C17orf75: variants seen among roughly 807,000 people sequenced by gnomAD.
C17orf75 encodes protein Njmu-R1.
C17orf75 carries 32 observed loss-of-function variants against 49.6 expected under a neutral mutation model. The ratio of observed to expected loss-of-function variants is 0.65; its 90% CI spans 0.49 to 0.87. The LOEUF (loss-of-function observed/expected upper bound fraction) is 0.87. Among genes scored for constraint, C17orf75 ranks in the 40% least tolerant of loss-of-function variants. C17orf75 has a pLI of 0.00. For synonymous variants in C17orf75, 158 were observed against 159.5 expected (o/e 0.99, Z 0.07); for missense variants, 428 against 473.9 (o/e 0.90, Z 0.90).
At chr17:32,344,812 C>A (rs2041412505), upstream of C17orf75, among the ~76,000 whole-genome samples, 1 of 151,074 alleles carries the variant, frequency 6.6e-6, no homozygotes, top group Non-Finnish European at 1.5e-5. Flanking sequence ...GAGGCTGAGG[C>A]AGAAGACTCA....
At chr17:32,347,145 G>C (rs2041431093), upstream of C17orf75, among the ~76,000 whole-genome samples, 1 of 152,152 alleles carries the variant, frequency 6.6e-6, no homozygotes, top group Admixed American at 6.5e-5. Context: ...ATTTTCAGTA[G>C]AGACAGGATT....
chr17:32,349,530 G>A (rs2041463138), intron 1 of C17orf75, among the ~76,000 whole-genome samples: 1 of 152,140 alleles, frequency 6.6e-6, no homozygotes, highest in African/African-American at 2.4e-5. Flanking sequence ...GCAGTGAGCA[G>A]AGATCGCGCC....
At position 32,330,041 on chromosome 17, in the gene C17orf75, C is replaced by G. The variant is rs2041261851; in HGVS notation, c.*1722G>C. 1 of 152,194 alleles carries G rather than the reference C, an allele frequency of 6.6e-6. No individual in the cohort carries two copies. Among genetic ancestry groups the G allele is most frequent in the Non-Finnish European group, 1.5e-5 (1 of 68,048 alleles). 9.4% of individuals were successfully genotyped at this position (152,194 alleles called of 1,614,324 possible). ...TAATTTTAGTAGAGACAGGGTTTCA[C>G]CATATTGGTCAGGCTGGTCTGGAAC... is the stretch of plus-strand genomic sequence containing the variant. On this transcript the variant is annotated 3_prime_UTR_variant, in exon 10 of 10. Transcript: ENST00000577809.
chr17:32,349,982 C>T, exon 1 of C17orf75: 2 of 1,254,340 alleles, frequency 1.6e-6, no homozygotes, highest in East Asian at 3.7e-5. Context: ...CCAAAGTGCT[C>T]CGCAAGCACA....
At chr17:32,336,959 G>A (rs1373174087) in intron 5 of C17orf75, among the ~76,000 whole-genome samples, 2 of 152,044 alleles carry the variant, frequency 1.3e-5, no homozygotes, top group South Asian at 4.1e-4. Context: ...TTCAAGACAA[G>A]CCTGGGCAAT....
Position 32,330,883 on chromosome 17 carries a change from T to G in C17orf75, c.*880A>C, listed in dbSNP as rs1248857442. ...TTTTTTTTTTGAGACAGAGTCTCGC[T>G]CTGTCGCCCAGGCTGGAGTGCAGTG... On this transcript the variant is annotated 3_prime_UTR_variant, in exon 10 of 10. Coordinates refer to ENST00000577809, the MANE Select transcript of C17orf75 (RefSeq NM_022344.4). 1 of 152,094 alleles carries G rather than the reference T, an allele frequency of 6.6e-6. No individual in the cohort carries two copies. Among genetic ancestry groups the G allele is most frequent in the Non-Finnish European group, 1.5e-5 (1 of 68,018 alleles). The allele number at this position is 152,094 out of a possible 1,614,324, so 9.4% of individuals were successfully genotyped here. A position where few individuals can be genotyped will look rare whatever the true frequency, so the allele number is the denominator to read the frequency against.
intron 3 of C17orf75, among the ~76,000 whole-genome samples, chr17:32,339,579 C>G (rs534281515): frequency 4.2e-4 from 64 of 152,026 alleles, no homozygotes; most frequent in Non-Finnish European, 7.2e-4. Flanking sequence ...AAAGCAAGAC[C>G]CTGTCTCAAA....
At chr17:32,344,540 C>T (rs2041409786), upstream of C17orf75, among the ~76,000 whole-genome samples, 1 of 150,360 alleles carries the variant, frequency 6.7e-6, no homozygotes, top group African/African-American at 2.5e-5. Flanking sequence ...TGGCATGAAC[C>T]TGGGAGGCAG....
upstream of C17orf75, among the ~76,000 whole-genome samples, chr17:32,346,022 A>G (rs1332762463): frequency 6.6e-6 from 1 of 152,044 alleles, no homozygotes; most frequent in Non-Finnish European, 1.5e-5. Flanking sequence ...ATATTTCTCT[A>G]TGTATCTATT....
chr17:32,348,868 T>TTTTTTATTTA (rs1491091550), intron 1 of C17orf75, among the ~76,000 whole-genome samples: 4 of 26,490 alleles, frequency 1.5e-4, no homozygotes, highest in African/African-American at 6.5e-4. Flanking sequence ...AGCTCCAGTC[T>TTTTTTATTTA]TTTTTTTTTT....
At chr17:32,334,198 T>A (rs1323087701) in intron 8 of C17orf75, among the ~76,000 whole-genome samples, 3 of 152,220 alleles carry the variant, frequency 2.0e-5, no homozygotes, top group African/African-American at 7.2e-5. Context: ...CCTTGCTTTT[T>A]CAAGTAATGC....
intron 2 of C17orf75, 93 bp downstream of exon 2, chr17:32,341,111 C>A: frequency 7.6e-7 from 1 of 1,317,596 alleles, no homozygotes. Context: ...TCAGGGAAAG[C>A]TCAGTGGAAA....
chr17:32,331,799 T>C lies in C17orf75; in HGVS notation c.1155A>G (p.Glu385=), dbSNP rs776070447. Residue 385 remains glutamate, a synonymous_variant, in exon 10 of 10, where the codon GAA becomes GAG. Transcript: ENST00000577809. ...GGTCAAGAGCTTCTTTCATGAATTC[T>C]TCAAGGACAGCTATCACATTTTTGG... ...PEAKNVIAVL[E]EFMKEALDQS... The C allele has an allele frequency of 1.9e-6, 3 of 1,613,818 alleles. No homozygotes were observed. In the Admixed American group the frequency reaches 5.0e-5, roughly 27 times the overall value.
In C17orf75 at chr17:32,329,417, A is replaced by C. The variant is rs1341997851; in HGVS notation, c.*2346T>G. On this transcript the variant is annotated 3_prime_UTR_variant, in exon 10 of 10. Transcript: ENST00000577809. ...TACCAGAGGCCGGGTGCAGTGGCTC[A>C]GTTTGGGAGGCCAAGGTGGGAGGAT... 3 of 151,960 alleles carry C rather than the reference A, an allele frequency of 2.0e-5. No homozygotes were observed. The highest frequency in any genetic ancestry group is 2.0e-4 in the Admixed American group (3 of 15,236). The allele number at this position is 151,960 out of a possible 1,614,324, so 9.4% of individuals were successfully genotyped here.
intron 4 of C17orf75, 42 bp from the exon 5 acceptor site, chr17:32,337,996 A>C (rs1478683551): frequency 6.4e-7 from 1 of 1,551,060 alleles, no homozygotes; most frequent in Admixed American, 1.9e-5. Context: ...TAATGAAGAC[A>C]GTATTTCATC....
Position 32,335,339 on chromosome 17 carries a change from G to C in C17orf75, c.653C>G (p.Thr218Ser). The change falls in exon 6 of 10, where the codon ACC becomes AGC. Residue 218 changes from threonine to serine, a missense_variant. Thr to Ser is a moderately conservative substitution (Grantham distance 58). Coordinates refer to ENST00000577809, the MANE Select transcript of C17orf75 (RefSeq NM_022344.4). ...RVVLLFQEKL[T>S]FLLHAALSYT... is the part of the protein sequence containing the mutation. The stretch of plus-strand genomic sequence containing the variant: ...AGTACTTACAGCATGTAGCAGAAAG[G>C]TAAGCTTTTCCTGAAAGAGAAGAAC... The C allele has an allele frequency of 1.2e-6, 2 of 1,613,912 alleles. No homozygotes were observed. Among genetic ancestry groups the C allele is most frequent in the Non-Finnish European group, 8.5e-7 (1 of 1,179,830 alleles).
chr17:32,341,812 G>T (rs1016573585), intron 1 of C17orf75, 188 bp downstream of exon 1: 13 of 1,062,646 alleles, frequency 1.2e-5, no homozygotes, highest in Middle Eastern at 4.3e-4. Flanking sequence ...AGTCCACGAC[G>T]GGGGCCAGGA....
chr17:32,334,520 T>TA lies in C17orf75; in HGVS notation c.819dup (p.Lys274Ter). The stretch of plus-strand genomic sequence containing the variant: ...CTGCTGCAATCGATGACCACAGACT[T>TA]ATGCTGCTCCTCTGTCATGGCCATG... On this transcript the variant is annotated frameshift_variant, in exon 8 of 10. Transcript: ENST00000577809. LOFTEE classifies it high-confidence loss of function. 1 of 1,612,540 alleles carries TA rather than the reference T, an allele frequency of 6.2e-7. No individual in the cohort carries two copies. Among genetic ancestry groups the TA allele is most frequent in the Non-Finnish European group, 8.5e-7 (1 of 1,179,430 alleles).
In C17orf75 at chr17:32,342,123, T is replaced by C. The variant is rs754516765; in HGVS notation, c.17A>G (p.Gln6Arg). Reference sequence around the variant, plus strand: ...CTTTTCATCTCCATCCATCGACTCCTGCAAAGAGGGGAGCATTGCGGCGGC... The same window carrying C: ...CTTTTCATCTCCATCCATCGACTCCCGCAAAGAGGGGAGCATTGCGGCGGC... The part of the protein sequence containing the change: MLPSL[Q>R]ESMDGDEKEL... Residue 6 changes from glutamine to arginine, a missense_variant, in exon 1 of 10, where the codon CAG (glutamine) becomes CGG (arginine). Transcript: ENST00000577809. The C allele has an allele frequency of 1.2e-6, 2 of 1,601,152 alleles. No individual in the cohort carries two copies. The highest frequency in any genetic ancestry group is 3.4e-5 in the Admixed American group (2 of 58,752).
Sources: allele counts gnomAD v4.1 joint callset (sites outside exome capture counted in the v4.1 genomes callset), GRCh38; gene constraint gnomAD v4.1.1; transcripts MANE v1.5; gene names NCBI Gene and HGNC (gene_info 2026-07-23, HGNC 2026-07-21).